The following CADPS variants were observed in gnomAD, a reference collection of about 807,000 sequenced individuals.
CADPS encodes the protein calcium-dependent secretion activator 1.
CADPS carries 57 observed loss-of-function variants against 167.3 expected under a neutral mutation model. The observed-to-expected ratio is 0.34, with a 90% CI of 0.28 to 0.42. CADPS has a LOEUF of 0.42. CADPS is among the 20% of genes least tolerant of loss of function. The pLI is 1.00. For missense variants in CADPS, 1,414 were observed against 1,738.1 expected, an observed-to-expected ratio of 0.81 and a Z score of 3.32; for synonymous variants, 676 against 635.3, an observed-to-expected ratio of 1.06 and a Z score of -0.96.
At chr3:62,578,351 C>G (rs988662148) in intron 8 of CADPS, among the ~76,000 whole-genome samples, 3 of 151,986 alleles carry the variant, frequency 2.0e-5, no homozygotes, top group Non-Finnish European at 4.4e-5. Context: ...TGGCTCACGC[C>G]TGTAATCCCA....
intron 2 of CADPS, among the ~76,000 whole-genome samples, chr3:62,754,661 T>A (rs1350640250): frequency 6.6e-6 from 1 of 152,164 alleles, no homozygotes; most frequent in Admixed American, 6.5e-5. Flanking sequence ...GATAATTTTT[T>A]AAACTTTTTG....
At chr3:62,611,205 G>A (rs1176433943) in intron 6 of CADPS, among the ~76,000 whole-genome samples, 1 of 152,140 alleles carries the variant, frequency 6.6e-6, no homozygotes, top group Non-Finnish European at 1.5e-5. Context: ...GGCTTCCTCA[G>A]GTCAGCAGTT....
intron 3 of CADPS, among the ~76,000 whole-genome samples, chr3:62,746,690 ACTCT>A (rs954949838): frequency 6.6e-5 from 10 of 151,598 alleles, no homozygotes; most frequent in Non-Finnish European, 1.5e-4. Context: ...TGCACCAGAG[ACTCT>A]CTCTCTCCCT....
chr3:62,855,293 T>C (rs1329586199), intron 1 of CADPS, among the ~76,000 whole-genome samples: 1 of 151,862 alleles, frequency 6.6e-6, no homozygotes, highest in East Asian at 1.9e-4. Context: ...AATATATATC[T>C]CAGCATGGAA....
chr3:62,855,109 T>TTTTTTTTTTTTTTGTTTTTTG (rs59284424), intron 1 of CADPS, among the ~76,000 whole-genome samples: 1 of 144,452 alleles, frequency 6.9e-6, no homozygotes, highest in African/African-American at 2.6e-5. Context: ...TTTTTTTTTT[T>TTTTTTTTTTTTTTGTTTTTTG]GTCTTTTAGT....
intron 3 of CADPS, among the ~76,000 whole-genome samples, chr3:62,681,712 T>G (rs1182581282): frequency 6.6e-6 from 1 of 152,082 alleles, no homozygotes. Context: ...TCCCATGTAA[T>G]GCAGTCCCTC....
chr3:62,617,230 T>A (rs2062458459), intron 6 of CADPS, among the ~76,000 whole-genome samples: 1 of 151,970 alleles, frequency 6.6e-6, no homozygotes, highest in Non-Finnish European at 1.5e-5. Flanking sequence ...AGCCAATAAA[T>A]GAAAAATAGT....
intron 3 of CADPS, among the ~76,000 whole-genome samples, chr3:62,689,761 A>G (rs2151252793): frequency 6.6e-6 from 1 of 152,124 alleles, no homozygotes; most frequent in African/African-American, 2.4e-5. Context: ...AAATCAATTC[A>G]CACAATGTGT....
At chr3:62,535,043 AT>A (rs1265411706) in intron 12 of CADPS, among the ~76,000 whole-genome samples, 2 of 152,122 alleles carry the variant, frequency 1.3e-5, no homozygotes, top group Non-Finnish European at 2.9e-5. Flanking sequence ...AGTCTTGGAA[AT>A]AATATACCTC....
At chr3:62,510,228 G>T (rs868829045) in intron 17 of CADPS, among the ~76,000 whole-genome samples, 4 of 39,452 alleles carry the variant, frequency 1.0e-4, no homozygotes, top group African/African-American at 2.7e-4. Flanking sequence ...CTATCTATCT[G>T]CCTGCCTACC....
chr3:62,795,137 C>T (rs1013563503), intron 1 of CADPS, among the ~76,000 whole-genome samples: 32 of 152,106 alleles, frequency 2.1e-4, no homozygotes, highest in African/African-American at 6.3e-4. Flanking sequence ...AATAGACTTC[C>T]TCTTCCTCAA....
intron 13 of CADPS, among the ~76,000 whole-genome samples, chr3:62,524,410 C>T (rs140067855): frequency 4.9e-4 from 75 of 152,266 alleles, no homozygotes; most frequent in Non-Finnish European, 1.0e-3. Context: ...TGCCCTGATG[C>T]CCTGGGGCTC....
In CADPS at chr3:62,450,978, T is replaced by C. The variant is rs1436123604; in HGVS notation, c.3637-5181A>G. Among the ~76,000 whole-genome samples, 4 of 152,214 alleles carry C rather than the reference T, an allele frequency of 2.6e-5. 1 individual carries two copies. The highest frequency in any genetic ancestry group is 7.2e-5 in the African/African-American group (3 of 41,450). ...CTAAGCTGCCTATCATCCTATTATT[T>C]AGTTTCTTTTTTTAAAAAAACTATG... On this transcript the variant is annotated intron_variant, in intron 26 of 29. Coordinates refer to ENST00000383710, the MANE Select transcript of CADPS (RefSeq NM_003716.4).
intron 24 of CADPS, 52 bp from the exon 25 acceptor site, chr3:62,466,465 C>T: frequency 8.7e-7 from 1 of 1,146,094 alleles, no homozygotes; most frequent in Non-Finnish European, 1.3e-6. Context: ...GATGGCACTG[C>T]ATCCGTCAGT....
chr3:62,599,324 CA>C (rs1028872472), intron 6 of CADPS, among the ~76,000 whole-genome samples: 2 of 150,662 alleles, frequency 1.3e-5, no homozygotes, highest in African/African-American at 4.9e-5. Flanking sequence ...AAATAGCCAC[CA>C]ATTATTGAGT....
intron 8 of CADPS, among the ~76,000 whole-genome samples, chr3:62,573,878 T>C (rs2081785656): frequency 6.6e-6 from 1 of 152,244 alleles, no homozygotes; most frequent in South Asian, 2.1e-4. Context: ...TAGAAACATG[T>C]TCTTCTTTCT....
chr3:62,666,961 T>C (rs1009368041), intron 3 of CADPS, among the ~76,000 whole-genome samples: 1 of 151,846 alleles, frequency 6.6e-6, no homozygotes, highest in Admixed American at 6.6e-5. Flanking sequence ...TTATCTTGCA[T>C]AGCTATTTGA....
At position 62,514,239 on chromosome 3, in the gene CADPS, G is replaced by A. The variant is rs1449278282; in HGVS notation, c.2582-1471C>T. Reference sequence around the variant, plus strand: ...GTCTGGTAGTAATATCTTTCAGGCTGCAATGTCTCAGCCTATGGTGGACTA... The same window carrying A: ...GTCTGGTAGTAATATCTTTCAGGCTACAATGTCTCAGCCTATGGTGGACTA... On this transcript the variant is annotated intron_variant, in intron 16 of 29. Coordinates refer to ENST00000383710, the MANE Select transcript of CADPS (RefSeq NM_003716.4). This position sits in a 1 kb window ranked among gnomAD's most constrained non-coding sequence, Gnocchi z 4.2. Among the ~76,000 whole-genome samples, 1 of 152,086 alleles carries A rather than the reference G, an allele frequency of 6.6e-6. No individual in the cohort carries two copies. The highest frequency in any genetic ancestry group is 1.5e-5 in the Non-Finnish European group (1 of 67,976).
intron 7 of CADPS, among the ~76,000 whole-genome samples, chr3:62,589,319 C>A (rs2085401309): frequency 1.3e-5 from 2 of 152,208 alleles, no homozygotes; most frequent in Non-Finnish European, 2.9e-5. Flanking sequence ...AAGAGCCAGG[C>A]AGGCCAGCTC....
Sources: allele counts gnomAD v4.1 joint callset (sites outside exome capture counted in the v4.1 genomes callset), GRCh38; gene constraint gnomAD v4.1.1; non-coding constraint Gnocchi (gnomAD v3.1); transcripts MANE v1.5; gene names NCBI Gene and HGNC (gene_info 2026-07-23, HGNC 2026-07-21).